Variants in SLFN11 observed in about 807,000 individuals in gnomAD.
SLFN11 encodes the protein schlafen family member 11.
In SLFN11, 43 loss-of-function variants were observed where a neutral mutation model predicts 53.4. The ratio of observed to expected loss-of-function variants is 0.80; its 90% CI spans 0.63 to 1.04. The LOEUF (loss-of-function observed/expected upper bound fraction) is 1.04. Among genes scored for constraint, SLFN11 ranks in the 50% least tolerant of loss-of-function variants. The pLI is 0.00. For synonymous variants in SLFN11, 389 were observed against 394.7 expected (o/e 0.99, Z 0.17); for missense variants, 990 against 1,079.1 (o/e 0.92, Z 1.16).
chr17:35,371,614 C>T (rs1330128047), intron 1 of SLFN11, among the ~76,000 whole-genome samples: 2 of 151,968 alleles, frequency 1.3e-5, no homozygotes, highest in Admixed American at 6.6e-5. Context: ...GGAGCTCCAA[C>T]AACTCTATAG....
At chr17:35,353,273 C>T (rs1317876669) in intron 6 of SLFN11, 63 bp downstream of exon 6, 12 of 1,609,946 alleles carry the variant, frequency 7.5e-6, no homozygotes, top group Non-Finnish European at 8.5e-6. Flanking sequence ...AAGACGGTGA[C>T]TTAGCAGAAA....
chr17:35,363,955 G>C, intron 3 of SLFN11, 129 bp from the exon 4 acceptor site: 1 of 668,796 alleles, frequency 1.5e-6, no homozygotes, highest in African/African-American at 1.8e-5. Context: ...CTTCTCTTTA[G>C]GAGAAGAATG....
rs1906608021 is a variant in SLFN11 at position 35,351,017 on chromosome 17, GT to G, written c.*1338del. On this transcript the variant is annotated 3_prime_UTR_variant, in exon 7 of 7. Coordinates refer to ENST00000685675, the MANE Select transcript of SLFN11 (RefSeq NM_001376007.1). ...GTTTGACAAATAATCGTACAGCTGT[GT>G]TCTCAGGCTGCAATAACAAAACACC... 1 of 152,200 alleles carries G rather than the reference GT, an allele frequency of 6.6e-6. No homozygotes were observed. The highest frequency in any genetic ancestry group is 1.5e-5 in the Non-Finnish European group (1 of 68,028). The allele number at this position is 152,200 out of a possible 1,614,324, so 9.4% of individuals were successfully genotyped here.
chr17:35,362,765 A>G lies in SLFN11; in HGVS notation c.1043T>C (p.Val348Ala). 6.3e-7 allele frequency: 1 copy of G among 1,583,810 alleles called. No individual in the cohort carries two copies. Among genetic ancestry groups the G allele is most frequent in the East Asian group, 2.2e-5 (1 of 44,582 alleles). Residue 348 changes from valine to alanine, a missense_variant, in exon 4 of 7, where the codon GTA becomes GCA. Val to Ala is a moderately conservative substitution (Grantham distance 64). Transcript: ENST00000685675. ...TGGATCTGTGTCTGTCATCATGCCT[A>G]CCCATTTCTCGGTTGTCAGGCTGCA... ...YVCSLTTEKWVGMMTDTDPDL... is the reference protein window; with the variant it reads ...YVCSLTTEKWAGMMTDTDPDL...
At chr17:35,360,428 G>C in intron 4 of SLFN11, 57 bp from the exon 5 acceptor site, 8 of 1,441,500 alleles carry the variant, frequency 5.5e-6, no homozygotes, top group East Asian at 2.4e-5. Context: ...ACTGAAAGAG[G>C]CTCTATCAGT....
At chr17:35,357,150 GTGTGTGT>G (rs1907606344) in intron 5 of SLFN11, among the ~76,000 whole-genome samples, 1 of 150,018 alleles carries the variant, frequency 6.7e-6, no homozygotes, top group Non-Finnish European at 1.5e-5. Flanking sequence ...GTGTGTGTGT[GTGTGTGT>G]GTGTGTGTGT....
chr17:35,358,755 C>T (rs1173007197), intron 5 of SLFN11, among the ~76,000 whole-genome samples: 1 of 152,054 alleles, frequency 6.6e-6, no homozygotes, highest in Non-Finnish European at 1.5e-5. Flanking sequence ...TCTGTCTTTG[C>T]ATCCTCATTA....
chr17:35,355,876 C>T (rs776518245), intron 5 of SLFN11, among the ~76,000 whole-genome samples: 9 of 152,108 alleles, frequency 5.9e-5, no homozygotes, highest in African/African-American at 9.7e-5. Context: ...CCCAGAACTC[C>T]CATATTCATC....
chr17:35,357,444 T>C (rs142649240), intron 5 of SLFN11, among the ~76,000 whole-genome samples: 1 of 151,868 alleles, frequency 6.6e-6, no homozygotes, highest in African/African-American at 2.4e-5. Flanking sequence ...CTAGAACTTT[T>C]CTGGCTTTTT....
rs1181378599 is a variant in SLFN11 at position 35,354,839 on chromosome 17, A to C, written c.1199-780T>G. 5.9e-5 allele frequency among the ~76,000 whole-genome samples: 9 copies of C among 152,200 alleles called. No individual in the cohort carries two copies. In the East Asian group the frequency reaches 7.7e-4, roughly 13 times the overall value. On this transcript the variant is annotated intron_variant, in intron 5 of 6. Transcript: ENST00000685675. Reference sequence around the variant, plus strand: ...GTGGTAGTGTTAGAGTACAAACCCAAATCAAGATTTGTAGTGGTAATTTCA... The same window carrying C: ...GTGGTAGTGTTAGAGTACAAACCCACATCAAGATTTGTAGTGGTAATTTCA...
In SLFN11 at chr17:35,363,242, G is replaced by C; in HGVS notation, c.566C>G (p.Pro189Arg). The C allele has an allele frequency of 6.2e-7, 1 of 1,614,070 alleles. No individual in the cohort carries two copies. The highest frequency in any genetic ancestry group is 8.5e-7 in the Non-Finnish European group (1 of 1,179,986). ...GTCTTTTTGGAAAATTAGGTCAGCAGGATCCGAGTTTGGGTCAGCAGGATC... is the reference window on the plus strand; with the variant it reads ...GTCTTTTTGGAAAATTAGGTCAGCACGATCCGAGTTTGGGTCAGCAGGATC... ...NSDPADPNSD[P>R]ADLIFQKDYL... The change falls in exon 4 of 7, where the codon CCT becomes CGT. Residue 189 changes from proline to arginine, a missense_variant. By Grantham distance (103) the Pro-to-Arg change is moderately radical. This residue lies in a region of SLFN11 where 521 missense variants were observed against 516.2 expected (regional missense o/e 1.01). Transcript: ENST00000685675.
chr17:35,352,148 G>C lies in SLFN11; in HGVS notation c.*208C>G, dbSNP rs539179482. 866 of 610,304 alleles carry C rather than the reference G, an allele frequency of 1.4e-3. 1 individual carries two copies. Among genetic ancestry groups the C allele is most frequent in the Non-Finnish European group, 2.1e-3 (755 of 351,342 alleles). The allele number at this position is 610,304 out of a possible 1,614,324, so 37.8% of individuals were successfully genotyped here. A position where few individuals can be genotyped will look rare whatever the true frequency, so the allele number is the denominator to read the frequency against. On this transcript the variant is annotated 3_prime_UTR_variant, in exon 7 of 7. Coordinates refer to ENST00000685675, the MANE Select transcript of SLFN11 (RefSeq NM_001376007.1). ...AAAACCACCATCTTTCTGGCTGGAA[G>C]AGTCAGGGGTCAGAATGGGGGGCAG...
chr17:35,370,700 A>T (rs1276336338), intron 1 of SLFN11, among the ~76,000 whole-genome samples: 1 of 152,092 alleles, frequency 6.6e-6, no homozygotes, highest in East Asian at 1.9e-4. Context: ...TCTGAAAAAG[A>T]TATAAAGTAA....
rs1157355529 is a variant in SLFN11, at chr17:35,360,269, T to A, written c.1172A>T (p.Lys391Met). The change falls in exon 5 of 7, where the codon AAG becomes ATG. Residue 391 changes from lysine to methionine, a missense_variant. By Grantham distance (95) the Lys-to-Met change is moderately conservative (BLOSUM62 -1). This residue lies in a region of SLFN11 where 521 missense variants were observed against 516.2 expected (regional missense o/e 1.01). Transcript: ENST00000685675. ...VYSKKGLEHK[K>M]ELQQLLFSVP... ...TGAAAATAAAAGTTGCTGGAGTTCC[T>A]TTTTATGTTCCAGGCCTTTCTTGGA... 6.2e-7 allele frequency: 1 copy of A among 1,610,730 alleles called. No homozygotes were observed. The highest frequency in any genetic ancestry group is 1.1e-5 in the South Asian group (1 of 90,400).
At chr17:35,372,908 C>A (rs1318911106) in intron 1 of SLFN11, among the ~76,000 whole-genome samples, 3 of 152,048 alleles carry the variant, frequency 2.0e-5, no homozygotes, top group African/African-American at 7.2e-5. Flanking sequence ...CAGATCTTGT[C>A]CAGAGGGAGA....
At chr17:35,365,445 C>G (rs12600729) in intron 3 of SLFN11, among the ~76,000 whole-genome samples, 67,673 of 142,718 alleles carry the variant, frequency 0.47, 16,657 homozygotes, top group Non-Finnish European at 0.56. Flanking sequence ...CCACTATACC[C>G]AGCTAATTCT....
Position 35,362,942 on chromosome 17 carries a change from G to A in SLFN11, c.866C>T (p.Pro289Leu). The A allele has an allele frequency of 6.2e-7, 1 of 1,613,400 alleles. No homozygotes were observed. Among genetic ancestry groups the A allele is most frequent in the Non-Finnish European group, 8.5e-7 (1 of 1,179,758 alleles). The change falls in exon 4 of 7, where the codon CCC (proline) becomes CTC (leucine). Residue 289 changes from proline to leucine, a missense_variant. Pro to Leu is a moderately conservative substitution (Grantham distance 98). Around this residue, in one of 3 missense-constraint regions of SLFN11, gnomAD observed 521 missense variants for 516.2 expected, o/e 1.01. Coordinates refer to ENST00000685675, the MANE Select transcript of SLFN11 (RefSeq NM_001376007.1). ...YKLPCVHFCQ[P>L]QRPITFTLKI... The stretch of plus-strand genomic sequence containing the variant: ...GAGTGTGAAGGTTATCGGGCGTTGG[G>A]GTTGGCAAAAATGAACACAAGGTAG...
intron 3 of SLFN11, among the ~76,000 whole-genome samples, chr17:35,364,760 C>A (rs1908743288): frequency 6.6e-6 from 1 of 152,084 alleles, no homozygotes; most frequent in African/African-American, 2.4e-5. Flanking sequence ...GAGAATAATT[C>A]TCAATAAGTA....
At chr17:35,362,675 A>T in intron 4 of SLFN11, 64 bp downstream of exon 4, 1 of 1,362,442 alleles carries the variant, frequency 7.3e-7, no homozygotes. Context: ...GCAAAGGAAA[A>T]TTTAATATGG....
Sources: allele counts gnomAD v4.1 joint callset (sites outside exome capture counted in the v4.1 genomes callset), GRCh38; gene constraint gnomAD v4.1.1; regional missense constraint gnomAD v4.1.1; transcripts MANE v1.5; gene names NCBI Gene and HGNC (gene_info 2026-07-23, HGNC 2026-07-21).